The following AKAP7 variants were observed in gnomAD, a reference collection of about 807,000 sequenced individuals.
The protein encoded by AKAP7 is A-kinase anchoring protein 7.
In AKAP7, 39 loss-of-function variants were observed where a neutral mutation model predicts 39.5. The ratio of observed to expected loss-of-function variants is 0.99; its 90% CI spans 0.76 to 1.29. AKAP7 has a LOEUF of 1.29. Among genes scored for constraint, AKAP7 ranks in the 50% most tolerant of loss-of-function variants. The pLI, the probability that AKAP7 is intolerant of heterozygous loss-of-function variation, is 0.00. For missense variants in AKAP7, 414 were observed against 407.7 expected (o/e 1.02, Z -0.13); for synonymous variants, 140 against 139.1 (o/e 1.01, Z -0.05).
chr6:131,250,293 T>C (rs1055976592), intron 7 of AKAP7: 19 of 1,241,054 alleles, frequency 1.5e-5, no homozygotes, highest in East Asian at 3.6e-5. Flanking sequence ...TTTGTGAGAA[T>C]ACGGGAGCGT....
At chr6:131,178,800 G>A (rs568850331) in intron 5 of AKAP7, among the ~76,000 whole-genome samples, 13 of 152,008 alleles carry the variant, frequency 8.6e-5, no homozygotes, top group African/African-American at 2.4e-4. Flanking sequence ...GCTTTTTTGC[G>A]CCAACACCTG....
chr6:131,243,330 G>A (rs1811758568), intron 7 of AKAP7, among the ~76,000 whole-genome samples: 1 of 152,172 alleles, frequency 6.6e-6, no homozygotes, highest in Non-Finnish European at 1.5e-5. Context: ...GATTCAGTGG[G>A]ATATTTAAAC....
chr6:131,146,943 A>T (rs1206224277), intron 2 of AKAP7, among the ~76,000 whole-genome samples: 1 of 152,228 alleles, frequency 6.6e-6, no homozygotes, highest in Non-Finnish European at 1.5e-5. Context: ...TGGGGAGCCA[A>T]TCTGTTGACA....
Position 131,282,466 on chromosome 6 carries a change from G to A in AKAP7, c.*740G>A. On this transcript the variant is annotated 3_prime_UTR_variant, in exon 8 of 8. Transcript: ENST00000431975. Reference sequence around the variant, plus strand: ...TGCATCGAGAAACGATGGGTCTGAAGTCCAAAGTGAAACAGATAAAGGAAC... The same window carrying A: ...TGCATCGAGAAACGATGGGTCTGAAATCCAAAGTGAAACAGATAAAGGAAC... The A allele has an allele frequency of 1.3e-6, 2 of 1,535,522 alleles. No homozygotes were observed. Among genetic ancestry groups the A allele is most frequent in the Non-Finnish European group, 1.7e-6 (2 of 1,146,630 alleles).
At chr6:131,232,755 G>A (rs1375378428) in intron 7 of AKAP7, among the ~76,000 whole-genome samples, 2 of 151,890 alleles carry the variant, frequency 1.3e-5, no homozygotes, top group South Asian at 2.1e-4. Context: ...TCACCCCACC[G>A]CACTCTAGTT....
chr6:131,164,237 T>G (rs1014826257), intron 3 of AKAP7: 14 of 390,868 alleles, frequency 3.6e-5, no homozygotes, highest in Non-Finnish European at 7.1e-5. Flanking sequence ...TTCTGTTCCC[T>G]TAGGGCTTCT....
At chr6:131,264,504 A>T (rs1364383755) in intron 7 of AKAP7, among the ~76,000 whole-genome samples, 3 of 152,204 alleles carry the variant, frequency 2.0e-5, no homozygotes, top group Non-Finnish European at 4.4e-5. Context: ...GTTTCAAGAA[A>T]TATATTGTAT....
chr6:131,229,451 C>T (rs528594239), intron 7 of AKAP7, among the ~76,000 whole-genome samples: 7 of 152,198 alleles, frequency 4.6e-5, no homozygotes, highest in South Asian at 4.2e-4. Context: ...TGGGTTCAAG[C>T]GATTCTCCTG....
At chr6:131,273,087 A>G (rs1814427005) in intron 7 of AKAP7, among the ~76,000 whole-genome samples, 1 of 152,190 alleles carries the variant, frequency 6.6e-6, no homozygotes, top group Non-Finnish European at 1.5e-5. Context: ...ATTATATAAT[A>G]TCTCTTCCGG....
intron 7 of AKAP7, among the ~76,000 whole-genome samples, chr6:131,262,860 T>G (rs1316568080): frequency 6.6e-6 from 1 of 152,216 alleles, no homozygotes; most frequent in Non-Finnish European, 1.5e-5. Flanking sequence ...TGATATCCAC[T>G]GTCAATCTAT....
At chr6:131,239,800 C>G (rs1811375880) in intron 7 of AKAP7, among the ~76,000 whole-genome samples, 2 of 152,140 alleles carry the variant, frequency 1.3e-5, no homozygotes, top group African/African-American at 2.4e-5. Context: ...TTCTAGTTAG[C>G]CATTCGTCTA....
At chr6:131,169,416 G>A (rs2128244622) in intron 5 of AKAP7, 143 bp downstream of exon 5, 3 of 929,120 alleles carry the variant, frequency 3.2e-6, no homozygotes, top group South Asian at 1.6e-5. Context: ...CCAATCATAA[G>A]TCTGAAGGAT....
Position 131,281,679 on chromosome 6 carries a change from G to T in AKAP7, c.1000G>T (p.Glu334Ter). The change falls in exon 8 of 8, where the codon GAA becomes TAA. Residue 334 changes from glutamate (E) to a stop codon, truncating the protein, a stop_gained. Coordinates refer to ENST00000431975, the MANE Select transcript of AKAP7 (RefSeq NM_016377.4). LOFTEE classifies it high-confidence loss of function. This position sits in a 1 kb window ranked among gnomAD's most constrained non-coding sequence, Gnocchi z 4.0. The stretch of plus-strand genomic sequence containing the variant: ...GGGGGAGGGGAGCTCTGTGAAAACC[G>T]AAGCAGCTGATCAGAATGGCAATGA... ...KPGEGSSVKTEAADQNGNDNE... is the reference protein window; with the variant it reads ...KPGEGSSVKT The T allele has an allele frequency of 6.2e-7, 1 of 1,612,714 alleles. No homozygotes were observed. Among genetic ancestry groups the T allele is most frequent in the Non-Finnish European group, 8.5e-7 (1 of 1,179,416 alleles).
chr6:131,164,617 A>G (rs1271026243), intron 3 of AKAP7: 5 of 335,178 alleles, frequency 1.5e-5, no homozygotes, highest in Non-Finnish European at 2.9e-5. Flanking sequence ...GGGTTCACAG[A>G]CACATTCACT....
intron 3 of AKAP7, among the ~76,000 whole-genome samples, chr6:131,163,527 C>CTT (rs1195840988): frequency 6.6e-6 from 1 of 152,182 alleles, no homozygotes; most frequent in Non-Finnish European, 1.5e-5. Flanking sequence ...AGTTGCTCTA[C>CTT]TTTTGGCCTC....
intron 1 of AKAP7, among the ~76,000 whole-genome samples, chr6:131,137,115 A>G (rs1291286170): frequency 6.6e-6 from 1 of 151,670 alleles, no homozygotes; most frequent in Non-Finnish European, 1.5e-5. Context: ...GGTCTGTGCC[A>G]ACATGCCTGA....
At chr6:131,275,652 C>T (rs548195686) in intron 7 of AKAP7, among the ~76,000 whole-genome samples, 9 of 152,230 alleles carry the variant, frequency 5.9e-5, no homozygotes, top group East Asian at 5.8e-4. Context: ...AAACATCCAT[C>T]GCATGTCTGC....
intron 5 of AKAP7, among the ~76,000 whole-genome samples, chr6:131,178,366 C>T (rs1804775386): frequency 6.6e-6 from 1 of 152,272 alleles, no homozygotes; most frequent in South Asian, 2.1e-4. Flanking sequence ...GTGCTTAGCA[C>T]AGTATTGGGC....
chr6:131,147,510 A>G (rs557314782), intron 2 of AKAP7, among the ~76,000 whole-genome samples: 40 of 152,348 alleles, frequency 2.6e-4, no homozygotes, highest in African/African-American at 7.9e-4. Flanking sequence ...GGAAACCTTC[A>G]CTGAAGAATT....
Sources: allele counts gnomAD v4.1 joint callset (sites outside exome capture counted in the v4.1 genomes callset), GRCh38; gene constraint gnomAD v4.1.1; non-coding constraint Gnocchi (gnomAD v3.1); transcripts MANE v1.5; gene names NCBI Gene and HGNC (gene_info 2026-07-23, HGNC 2026-07-21).